Variants in HDAC9 observed in about 807,000 individuals in gnomAD.
HDAC9 encodes MEF-2 interacting transcription repressor (MITR) protein.
In HDAC9, 41 loss-of-function variants were observed where a neutral mutation model predicts 139.4. The observed-to-expected ratio is 0.29, with a 90% confidence interval of 0.23 to 0.38. The LOEUF is 0.38. HDAC9 is among the 10% of genes least tolerant of loss of function. The pLI is 1.00. For synonymous variants in HDAC9, 517 were observed against 476.2 expected (o/e 1.09, Z -1.12); for missense variants, 1,147 against 1,297.0 (o/e 0.88, Z 1.78).
intron 1 of HDAC9, among the ~76,000 whole-genome samples, chr7:18,112,269 G>T (rs1783666649): frequency 6.6e-6 from 1 of 152,254 alleles, no homozygotes; most frequent in South Asian, 2.1e-4. Flanking sequence ...TTTACACCGT[G>T]GAAATTGGCA....
chr7:18,809,822 A>G (rs1794033139), intron 17 of HDAC9, among the ~76,000 whole-genome samples: 1 of 151,926 alleles, frequency 6.6e-6, no homozygotes, highest in Non-Finnish European at 1.5e-5. Context: ...ATTTCCACAA[A>G]ATATTAAAAA....
At chr7:18,852,477 T>G (rs1585155557) in intron 21 of HDAC9, among the ~76,000 whole-genome samples, 1 of 152,204 alleles carries the variant, frequency 6.6e-6, no homozygotes, top group East Asian at 1.9e-4. Context: ...TTACAGAAAC[T>G]CTCTTTCAAA....
At chr7:18,869,659 G>C (rs1038655030) in intron 21 of HDAC9, among the ~76,000 whole-genome samples, 2 of 152,136 alleles carry the variant, frequency 1.3e-5, no homozygotes, top group African/African-American at 4.8e-5. Context: ...CTGAATTGGA[G>C]GACACCCAGC....
At chr7:18,732,574 C>T (rs867539457) in intron 13 of HDAC9, among the ~76,000 whole-genome samples, 6 of 98,230 alleles carry the variant, frequency 6.1e-5, no homozygotes, top group East Asian at 7.8e-4. Flanking sequence ...TATATATGTG[C>T]ATGTGTATAT....
intron 17 of HDAC9, among the ~76,000 whole-genome samples, chr7:18,826,132 G>A (rs1175545089): frequency 6.6e-6 from 1 of 152,112 alleles, no homozygotes; most frequent in Non-Finnish European, 1.5e-5. Context: ...AACCCAGATT[G>A]CATTAGGACT....
intron 25 of HDAC9, among the ~76,000 whole-genome samples, chr7:18,987,032 C>T (rs1471723002): frequency 6.6e-6 from 1 of 152,170 alleles, no homozygotes; most frequent in Non-Finnish European, 1.5e-5. Context: ...ATTTGACTTC[C>T]TCTTTTCCTA....
rs369754444 is a variant in HDAC9 at position 18,936,024 on chromosome 7, T to C, written c.2937+82T>C. On this transcript the variant is annotated intron_variant, in intron 23 of 25. Transcript: ENST00000686413. Reference sequence around the variant, plus strand: ...ATATTTTTAAACTAAAAAAAAATTCTGCATACTCAGAAAGCTTAACATTGC... The same window carrying C: ...ATATTTTTAAACTAAAAAAAAATTCCGCATACTCAGAAAGCTTAACATTGC... 3.7e-5 allele frequency: 51 copies of C among 1,365,598 alleles called. No homozygotes were observed. The African/African-American group carries it at 5.4e-4, about 14-fold the overall frequency. 84.6% of individuals were successfully genotyped at this position (1,365,598 alleles called of 1,614,324 possible).
intron 1 of HDAC9, among the ~76,000 whole-genome samples, chr7:18,100,631 C>T (rs977708697): frequency 2.1e-4 from 32 of 152,250 alleles, no homozygotes; most frequent in African/African-American, 7.7e-4. Flanking sequence ...TTTTCCATGT[C>T]CCTATTTAAC....
At chr7:18,586,204 A>C (rs1167839702) in intron 3 of HDAC9, among the ~76,000 whole-genome samples, 1 of 152,104 alleles carries the variant, frequency 6.6e-6, no homozygotes, top group Non-Finnish European at 1.5e-5. Context: ...AATTTTTAAT[A>C]ATAACTTATT....
At chr7:18,451,385 G>GTGTGTGTATATATGTA (rs1554422613) in intron 1 of HDAC9, among the ~76,000 whole-genome samples, 6 of 136,290 alleles carry the variant, frequency 4.4e-5, no homozygotes, top group African/African-American at 1.6e-4. Flanking sequence ...GTGTGTGTGT[G>GTGTGTGTATATATGTA]TGTGTGTGTG....
intron 1 of HDAC9, among the ~76,000 whole-genome samples, chr7:18,349,077 A>T (rs1585299116): frequency 6.6e-6 from 1 of 152,094 alleles, no homozygotes; most frequent in African/African-American, 2.4e-5. Flanking sequence ...ATATGAGAAC[A>T]TGAATTTCTC....
chr7:18,772,412 T>A (rs972054248), intron 16 of HDAC9, among the ~76,000 whole-genome samples: 2 of 152,064 alleles, frequency 1.3e-5, no homozygotes, highest in African/African-American at 4.8e-5. Context: ...GGAACCTCTT[T>A]CTTCATATGT....
chr7:18,866,702 G>C (rs1267268428), intron 21 of HDAC9, among the ~76,000 whole-genome samples: 1 of 152,182 alleles, frequency 6.6e-6, no homozygotes. Flanking sequence ...TGTGAAATTT[G>C]CTTTATAATT....
At chr7:18,972,573 A>G (rs1427230938) in intron 24 of HDAC9, among the ~76,000 whole-genome samples, 1 of 151,556 alleles carries the variant, frequency 6.6e-6, no homozygotes. Flanking sequence ...TAGAGACGGG[A>G]TTTCACCGTG....
chr7:18,358,721 C>G (rs1783529363), intron 1 of HDAC9, among the ~76,000 whole-genome samples: 1 of 152,174 alleles, frequency 6.6e-6, no homozygotes, highest in Non-Finnish European at 1.5e-5. Flanking sequence ...CTTAAGAACA[C>G]AAAACTAGAC....
intron 1 of HDAC9, among the ~76,000 whole-genome samples, chr7:18,121,778 A>G (rs2697907): frequency 0.58 from 87,783 of 151,918 alleles, 26,796 homozygotes; most frequent in Non-Finnish European, 0.67. Flanking sequence ...CTGTTTTATA[A>G]TAACTACATT....
At chr7:18,732,959 G>GTATACACACGTGTGTA (rs1562893888) in intron 13 of HDAC9, among the ~76,000 whole-genome samples, 1 of 112,054 alleles carries the variant, frequency 8.9e-6, no homozygotes. Context: ...GTGTATGTGT[G>GTATACACACGTGTGTA]TGTATGTGTA....
At chr7:18,780,850 C>T (rs989197269) in intron 16 of HDAC9, among the ~76,000 whole-genome samples, 21 of 152,034 alleles carry the variant, frequency 1.4e-4, no homozygotes, top group Non-Finnish European at 4.4e-5. Context: ...GACACTTGCA[C>T]TAGCCCATTG....
chr7:18,887,335 C>T (rs1009445923), intron 22 of HDAC9, among the ~76,000 whole-genome samples: 1 of 152,150 alleles, frequency 6.6e-6, no homozygotes, highest in Non-Finnish European at 1.5e-5. Flanking sequence ...TACTCCTGAT[C>T]TAGGGACCAG....
Sources: gnomAD v4.1 joint callset for allele counts (sites outside exome capture counted in the v4.1 genomes callset) on GRCh38, gnomAD v4.1.1 for gene constraint, MANE v1.5 for transcripts, NCBI Gene and HGNC (gene_info 2026-07-23, HGNC 2026-07-21) for gene names.